The following NBEA variants were observed in gnomAD, a reference collection of about 807,000 sequenced individuals.
The protein encoded by NBEA is lysosomal-trafficking regulator 2.
In NBEA, 44 loss-of-function variants were observed where a neutral mutation model predicts 343.4. That is an observed-to-expected ratio of 0.13 (90% CI 0.10 to 0.16). The LOEUF is 0.16. NBEA is among the 10% of genes least tolerant of loss of function. The pLI is 1.00. For missense variants in NBEA, 2,555 were observed against 3,631.3 expected (o/e 0.70, Z 7.62); for synonymous variants, 1,175 against 1,238.7 (o/e 0.95, Z 1.08).
chr13:35,194,559 C>G (rs1301137288), intron 30 of NBEA, among the ~76,000 whole-genome samples: 2 of 152,062 alleles, frequency 1.3e-5, no homozygotes, highest in Non-Finnish European at 2.9e-5. Flanking sequence ...TTAAGCAATA[C>G]AAATAGCTAA....
chr13:35,659,953 A>C (rs183922779), intron 55 of NBEA, among the ~76,000 whole-genome samples: 36 of 152,352 alleles, frequency 2.4e-4, no homozygotes, highest in Non-Finnish European at 4.1e-4. Flanking sequence ...GAAAGAGAGC[A>C]GAGCAGAGCA....
intron 55 of NBEA, among the ~76,000 whole-genome samples, chr13:35,656,911 G>A (rs2084838299): frequency 6.6e-6 from 1 of 152,186 alleles, no homozygotes; most frequent in Non-Finnish European, 1.5e-5. Context: ...GAGTAGATAA[G>A]AAATCTACAA....
intron 49 of NBEA, among the ~76,000 whole-genome samples, chr13:35,631,717 T>C (rs2083464540): frequency 6.7e-6 from 1 of 150,088 alleles, no homozygotes; most frequent in African/African-American, 2.5e-5. Context: ...GTTTGAGAAA[T>C]GGCTTAAGGT....
intron 1 of NBEA, among the ~76,000 whole-genome samples, chr13:34,992,370 T>G (rs185752591): frequency 1.5e-3 from 226 of 150,944 alleles, no homozygotes; most frequent in African/African-American, 5.3e-3. Context: ...TTCTCCTGCC[T>G]CAGCCTCCCG....
At chr13:35,601,761 CAAAAAAAAAAAAAAAAAA>C (rs869213180) in intron 47 of NBEA, among the ~76,000 whole-genome samples, 3 of 114,932 alleles carry the variant, frequency 2.6e-5, no homozygotes, top group African/African-American at 1.1e-4. Flanking sequence ...GACTCCATCG[CAAAAAAAAAAAAAAAAAA>C]AAAAAAGAAA....
chr13:35,526,267 A>G (rs1485496912), intron 41 of NBEA, among the ~76,000 whole-genome samples: 2 of 152,332 alleles, frequency 1.3e-5, no homozygotes, highest in African/African-American at 4.8e-5. Flanking sequence ...AAAACCAACC[A>G]ATGTCATGTA....
At chr13:35,593,173 C>T in intron 46 of NBEA, 155 bp from the exon 47 acceptor site, 2 of 656,226 alleles carry the variant, frequency 3.0e-6, no homozygotes, top group East Asian at 6.4e-5. Context: ...CAAGCCCAGA[C>T]AGGCATCTCC....
At chr13:35,456,008 A>G (rs1041921240) in intron 40 of NBEA, among the ~76,000 whole-genome samples, 1 of 152,054 alleles carries the variant, frequency 6.6e-6, no homozygotes, top group Admixed American at 6.5e-5. Flanking sequence ...CACTGGTTCC[A>G]TTACATTAGA....
At chr13:35,544,937 A>G (rs1054787292) in intron 41 of NBEA, among the ~76,000 whole-genome samples, 2 of 152,238 alleles carry the variant, frequency 1.3e-5, no homozygotes, top group African/African-American at 4.8e-5. Flanking sequence ...TACTTTGAAG[A>G]AACAGGCAGG....
intron 38 of NBEA, among the ~76,000 whole-genome samples, chr13:35,397,976 T>C (rs2042824208): frequency 6.6e-6 from 1 of 152,160 alleles, no homozygotes; most frequent in African/African-American, 2.4e-5. Context: ...TACTCAGCAG[T>C]ATGTGATGCT....
At chr13:35,180,875 C>T (rs980384333) in intron 28 of NBEA, among the ~76,000 whole-genome samples, 2 of 151,648 alleles carry the variant, frequency 1.3e-5, no homozygotes, top group Non-Finnish European at 3.0e-5. Flanking sequence ...ATTCTTATGC[C>T]TTTGCATCAT....
intron 41 of NBEA, among the ~76,000 whole-genome samples, chr13:35,482,686 T>C (rs2076165881): frequency 6.6e-6 from 1 of 151,746 alleles, no homozygotes; most frequent in African/African-American, 2.4e-5. Flanking sequence ...CTGTGAAATT[T>C]ATTTTTTTTA....
intron 31 of NBEA, among the ~76,000 whole-genome samples, chr13:35,201,774 A>G (rs561182993): frequency 6.6e-6 from 1 of 152,152 alleles, no homozygotes; most frequent in Non-Finnish European, 1.5e-5. Flanking sequence ...ACAGATAGAT[A>G]TTTTCGAGCT....
intron 1 of NBEA, among the ~76,000 whole-genome samples, chr13:34,959,845 TAAAC>T (rs910615585): frequency 7.2e-5 from 11 of 152,148 alleles, no homozygotes; most frequent in African/African-American, 7.2e-5. Flanking sequence ...GATGGTGGTG[TAAAC>T]AAACCTATTG....
intron 41 of NBEA, among the ~76,000 whole-genome samples, chr13:35,479,248 A>G (rs933284252): frequency 6.6e-6 from 1 of 152,214 alleles, no homozygotes; most frequent in African/African-American, 2.4e-5. Flanking sequence ...GGTGATTTAC[A>G]TAACATAGGA....
At chr13:35,521,718 G>A (rs950004755) in intron 41 of NBEA, among the ~76,000 whole-genome samples, 8 of 152,182 alleles carry the variant, frequency 5.3e-5, no homozygotes, top group Non-Finnish European at 7.3e-5. Flanking sequence ...CAAATTCCAA[G>A]GAGAGGGAAT....
chr13:35,480,494 T>G (rs1490571789), intron 41 of NBEA, among the ~76,000 whole-genome samples: 1 of 152,110 alleles, frequency 6.6e-6, no homozygotes, highest in East Asian at 1.9e-4. Context: ...TGTTTTTTCA[T>G]TATCTGCTAG....
chr13:35,284,975 G>C (rs2035323997), intron 34 of NBEA, among the ~76,000 whole-genome samples: 2 of 152,140 alleles, frequency 1.3e-5, no homozygotes, highest in African/African-American at 2.4e-5. Flanking sequence ...CATGGGAGAA[G>C]TGTAGAGAAC....
chr13:35,425,254 A>C (rs7996770), intron 38 of NBEA, among the ~76,000 whole-genome samples: 2 of 151,682 alleles, frequency 1.3e-5, no homozygotes, highest in African/African-American at 4.8e-5. Flanking sequence ...GTCAATTTTA[A>C]ATCTTTCCTG....
Sources: gnomAD v4.1 joint callset for allele counts (sites outside exome capture counted in the v4.1 genomes callset) on GRCh38, gnomAD v4.1.1 for gene constraint, MANE v1.5 for transcripts, NCBI Gene and HGNC (gene_info 2026-07-23, HGNC 2026-07-21) for gene names.